The following SYT12 variants were observed in gnomAD, a reference collection of about 807,000 sequenced individuals.
SYT12 encodes the protein synaptotagmin-12.
A neutral mutation model predicts 39.5 loss-of-function variants in SYT12; 27 were observed. The observed-to-expected ratio is 0.68, with a 90% confidence interval of 0.50 to 0.94. SYT12 has a LOEUF of 0.94. SYT12 is among the 40% of genes least tolerant of loss of function. The pLI, the probability that SYT12 is intolerant of heterozygous loss-of-function variation, is 0.00. For missense variants in SYT12, 536 were observed against 572.6 expected, an observed-to-expected ratio of 0.94 and a Z score of 0.65; for synonymous variants, 233 against 239.7, an observed-to-expected ratio of 0.97 and a Z score of 0.26.
chr11:67,046,108 C>T (rs1175238846), intron 7 of SYT12, among the ~76,000 whole-genome samples: 2 of 151,664 alleles, frequency 1.3e-5, no homozygotes, highest in Non-Finnish European at 2.9e-5. Context: ...CCCTAATCCA[C>T]TAAGAGTGTC....
At chr11:67,031,836 G>A (rs750079578) in intron 2 of SYT12, 1 of 152,266 alleles carries the variant, frequency 6.6e-6, no homozygotes, top group Non-Finnish European at 1.5e-5. Context: ...CCCACAGCCT[G>A]CTTAGAGACC....
chr11:67,013,606 C>T (rs903465840), intron 3 of SYT12, among the ~76,000 whole-genome samples: 9 of 152,200 alleles, frequency 5.9e-5, no homozygotes, highest in Non-Finnish European at 8.8e-5. Context: ...CAGGATCCCA[C>T]CAGCCAGTTA....
At chr11:67,048,282 A>C (rs1263764648) in intron 7 of SYT12, among the ~76,000 whole-genome samples, 4 of 151,676 alleles carry the variant, frequency 2.6e-5, no homozygotes, top group African/African-American at 9.7e-5. Context: ...AAAAAAAAAA[A>C]AAAGGATCAG....
chr11:67,048,656 A>G lies in SYT12; in HGVS notation c.1165A>G (p.Ile389Val), dbSNP rs1854648808. Reference sequence around the variant, plus strand: ...TGGGGACAACGTGGGCCATGTCATCATTGGGCCGTCAGCCAGTGGCATGGG... The same window carrying G: ...TGGGGACAACGTGGGCCATGTCATCGTTGGGCCGTCAGCCAGTGGCATGGG... ...GRGDNVGHVI[I>V]GPSASGMGTT... The change falls in exon 8 of 8, where the codon ATT becomes GTT. Residue 389 changes from isoleucine (I) to valine (V), a missense_variant. Coordinates refer to ENST00000527043, the MANE Select transcript of SYT12 (RefSeq NM_177963.4). 14 of 1,612,902 alleles carry G rather than the reference A, an allele frequency of 8.7e-6. No homozygotes were observed. In the East Asian group the frequency reaches 3.1e-4, roughly 36 times the overall value.
chr11:67,009,357 G>A lies in SYT12; in HGVS notation c.-484-522G>A, dbSNP rs116045423. Reference sequence around the variant, plus strand: ...GAAAAAGGCTTGAGGGCAGTGGCTCGATCTTGGCTCTGCAACCTGTACCTC... The same window carrying A: ...GAAAAAGGCTTGAGGGCAGTGGCTCAATCTTGGCTCTGCAACCTGTACCTC... On this transcript the variant is annotated intron_variant, in intron 1 of 10. Transcript: ENST00000393946. Among the ~76,000 whole-genome samples the A allele has an allele frequency of 9.5e-3, 1,441 of 151,798 alleles. 21 individuals carry two copies. Among genetic ancestry groups the A allele is most frequent in the African/African-American group, 0.032 (1,315 of 41,348 alleles).
chr11:67,044,364 C>A (rs1161042076), intron 5 of SYT12, among the ~76,000 whole-genome samples: 1 of 152,148 alleles, frequency 6.6e-6, no homozygotes, highest in African/African-American at 2.4e-5. Context: ...CAGGACCCTC[C>A]CGGTGGAAGG....
Position 67,043,742 on chromosome 11 carries a change from C to G in SYT12, c.726C>G (p.Ile242Met). The change falls in exon 5 of 8, where the codon ATC (isoleucine) becomes ATG (methionine). Residue 242 changes from isoleucine to methionine, a missense_variant. Ile to Met is a conservative substitution (Grantham distance 10). Transcript: ENST00000527043. ...EKSLRFSVFG[I>M]DEDERNVSTG... is the part of the protein sequence containing the mutation. ...GCCTGCGGTTTTCTGTATTTGGCAT[C>G]GATGAGGATGAGCGCAACGTCAGCA... The G allele has an allele frequency of 6.2e-7, 1 of 1,614,128 alleles. No individual in the cohort carries two copies. The highest frequency in any genetic ancestry group is 8.5e-7 in the Non-Finnish European group (1 of 1,180,038).
chr11:67,018,554 G>A (rs895257905), upstream of SYT12, among the ~76,000 whole-genome samples: 1 of 152,062 alleles, frequency 6.6e-6, no homozygotes, highest in African/African-American at 2.4e-5. Flanking sequence ...CGGGCGCGGT[G>A]GCTCAAGCCT....
At position 67,044,581 on chromosome 11, in the gene SYT12, T is replaced by C; in HGVS notation, c.838-12T>C. 6.2e-7 allele frequency: 1 copy of C among 1,611,464 alleles called. No individual in the cohort carries two copies. The highest frequency in any genetic ancestry group is 8.5e-7 in the Non-Finnish European group (1 of 1,178,978). On this transcript the variant is annotated splice_polypyrimidine_tract_variant and intron_variant, in intron 5 of 7. Transcript: ENST00000527043. ...GGGGAGAAGCCCTCTGAGCCACCTG[T>C]CTGTCCCCCAGGCCGCCGATGCTGT...
intron 1 of SYT12, among the ~76,000 whole-genome samples, chr11:67,008,180 C>G (rs1349051860): frequency 6.6e-6 from 1 of 152,180 alleles, no homozygotes; most frequent in African/African-American, 2.4e-5. Flanking sequence ...TCTTGAACTC[C>G]TGAACTCACG....
At chr11:67,020,233 C>T (rs1175085365), upstream of SYT12, among the ~76,000 whole-genome samples, 1 of 152,108 alleles carries the variant, frequency 6.6e-6, no homozygotes, top group East Asian at 1.9e-4. Flanking sequence ...ACACTCCAAG[C>T]AAAGGGACCA....
At chr11:67,046,036 G>A (rs1394994923) in intron 7 of SYT12, among the ~76,000 whole-genome samples, 159 bp downstream of exon 7, 1 of 151,972 alleles carries the variant, frequency 6.6e-6, no homozygotes, top group East Asian at 1.9e-4. Context: ...GCCAGCCCTA[G>A]GGTGGGTGCT....
intron 3 of SYT12, among the ~76,000 whole-genome samples, chr11:67,017,640 G>A (rs1220462872): frequency 1.3e-5 from 2 of 151,404 alleles, no homozygotes; most frequent in Non-Finnish European, 2.9e-5. Context: ...TATTACAGGA[G>A]TGAGCCACCT....
At position 67,043,710 on chromosome 11, in the gene SYT12, G is replaced by A; in HGVS notation, c.694G>A (p.Glu232Lys). ...CCCCCTGGATCCCACAGCCCTGGAG[G>A]AGAAGAGCCTGCGGTTTTCTGTATT... ...SIPLDPTALE[E>K]KSLRFSVFGI... is the part of the protein sequence containing the mutation. Residue 232 changes from glutamate (E) to lysine (K), a missense_variant, in exon 5 of 8, where the codon GAG becomes AAG. Coordinates refer to ENST00000527043, the MANE Select transcript of SYT12 (RefSeq NM_177963.4). The A allele has an allele frequency of 6.2e-7, 1 of 1,614,166 alleles. No homozygotes were observed. Among genetic ancestry groups the A allele is most frequent in the East Asian group, 2.2e-5 (1 of 44,886 alleles).
chr11:67,022,135 CTCTT>C (rs969913636), upstream of SYT12, among the ~76,000 whole-genome samples: 1 of 152,022 alleles, frequency 6.6e-6, no homozygotes, highest in Non-Finnish European at 1.5e-5. Context: ...AGATGCAACT[CTCTT>C]TCTAGGGCTC....
chr11:67,048,646 C>A lies in SYT12; in HGVS notation c.1155C>A (p.Gly385=). ...GCGACGGCCGTGGGGACAACGTGGGCCATGTCATCATTGGGCCGTCAGCCA... is the reference window on the plus strand; with the variant it reads ...GCGACGGCCGTGGGGACAACGTGGGACATGTCATCATTGGGCCGTCAGCCA... ...SSSDGRGDNV[G]HVIIGPSASG... The change falls in exon 8 of 8, where the codon GGC becomes GGA. Residue 385 remains glycine (G), a synonymous_variant. Transcript: ENST00000527043. The A allele has an allele frequency of 6.2e-7, 1 of 1,612,824 alleles. No individual in the cohort carries two copies. The highest frequency in any genetic ancestry group is 1.1e-5 in the South Asian group (1 of 91,072).
intron 4 of SYT12, among the ~76,000 whole-genome samples, chr11:67,043,217 T>C (rs1950547905): frequency 6.6e-6 from 1 of 152,142 alleles, no homozygotes; most frequent in Non-Finnish European, 1.5e-5. Context: ...GTTCAAACAG[T>C]CCTGGGCCAG....
intron 6 of SYT12, 45 bp downstream of exon 6, chr11:67,044,758 A>G: frequency 6.2e-7 from 1 of 1,609,046 alleles, no homozygotes. Flanking sequence ...AGCTCAGTGG[A>G]AGCTGTGGCC....
upstream of SYT12, among the ~76,000 whole-genome samples, chr11:67,020,488 C>G (rs1278587738): frequency 6.6e-6 from 1 of 152,188 alleles, no homozygotes; most frequent in Non-Finnish European, 1.5e-5. Flanking sequence ...GTGTACAAAT[C>G]ATCAGTGTAC....
Sources: gnomAD v4.1 joint callset for allele counts (sites outside exome capture counted in the v4.1 genomes callset) on GRCh38, gnomAD v4.1.1 for gene constraint, MANE v1.5 for transcripts, NCBI Gene and HGNC (gene_info 2026-07-23, HGNC 2026-07-21) for gene names.